The following CUL5 variants were observed in gnomAD, a reference collection of about 807,000 sequenced individuals.
The protein encoded by CUL5 is cullin 5.
Under a neutral mutation model 108.8 loss-of-function variants are expected in CUL5, and 26 were observed. The ratio of observed to expected loss-of-function variants is 0.24; its 90% CI spans 0.18 to 0.33. The LOEUF (loss-of-function observed/expected upper bound fraction) is 0.33, where lower values mean the gene tolerates loss of function less well. Ranked by LOEUF, CUL5 falls within the 10% of genes least tolerant of loss-of-function variation. The pLI is 1.00. For synonymous variants in CUL5, 334 were observed against 298.0 expected (o/e 1.12, Z -1.25); for missense variants, 524 against 909.2 (o/e 0.58, Z 5.45).
intron 1 of CUL5, among the ~76,000 whole-genome samples, chr11:108,026,206 T>C (rs1398040638): frequency 1.3e-5 from 2 of 152,148 alleles, no homozygotes; most frequent in Admixed American, 6.5e-5. Context: ...TGGTTAAATC[T>C]GTCTCTTCAC....
At chr11:108,079,825 T>C (rs972084183) in intron 11 of CUL5, among the ~76,000 whole-genome samples, 23 of 152,216 alleles carry the variant, frequency 1.5e-4, no homozygotes, top group African/African-American at 5.5e-4. Flanking sequence ...TCTAGGACTT[T>C]GTATAAATAG....
chr11:108,009,783 T>G (rs1342990418), intron 1 of CUL5, among the ~76,000 whole-genome samples: 3 of 152,202 alleles, frequency 2.0e-5, no homozygotes, highest in African/African-American at 7.2e-5. Context: ...CAGGTTTCAG[T>G]GACTCGACCC....
chr11:108,085,114 A>G (rs1031962109), intron 11 of CUL5: 1 of 152,266 alleles, frequency 6.6e-6, no homozygotes, highest in African/African-American at 2.4e-5. Flanking sequence ...TCATTCAGAA[A>G]CATGCTCATA....
chr11:108,089,267 G>A (rs995412726), intron 12 of CUL5, among the ~76,000 whole-genome samples: 3 of 152,076 alleles, frequency 2.0e-5, no homozygotes, highest in African/African-American at 7.2e-5. Flanking sequence ...CTAAAAAACT[G>A]ATATTTAGAC....
intron 11 of CUL5, among the ~76,000 whole-genome samples, chr11:108,078,853 C>G (rs1864001700): frequency 6.6e-6 from 1 of 151,890 alleles, no homozygotes; most frequent in Non-Finnish European, 1.5e-5. Context: ...GAAAAATAAT[C>G]AGGTATTTTT....
rs759009868 is a variant in CUL5 at position 108,070,137 on chromosome 11, A to G, written c.822A>G (p.Lys274=). 1.2e-6 allele frequency: 2 copies of G among 1,612,160 alleles called. No individual in the cohort carries two copies. The highest frequency in any genetic ancestry group is 1.7e-5 in the Admixed American group (1 of 59,976). ...CCVNALVTSF[K]ETILAECQGM... The stretch of plus-strand genomic sequence containing the variant: ...TAAATGCCCTGGTGACATCATTTAA[A>G]GAGACTATCTTAGCTGAGTGCCAAG... The change falls in exon 8 of 19, where the codon AAA becomes AAG. Residue 274 remains lysine, a synonymous_variant. Coordinates refer to ENST00000393094, the MANE Select transcript of CUL5 (RefSeq NM_003478.6).
At chr11:108,082,345 A>G (rs550126452) in intron 11 of CUL5, among the ~76,000 whole-genome samples, 61 of 151,062 alleles carry the variant, frequency 4.0e-4, no homozygotes, top group African/African-American at 1.4e-3. Context: ...CAGTGGCGCA[A>G]TCATGGCTCA....
chr11:108,100,368 C>T (rs1305765358), intron 18 of CUL5, among the ~76,000 whole-genome samples: 6 of 151,964 alleles, frequency 3.9e-5, no homozygotes, highest in Non-Finnish European at 8.8e-5. Flanking sequence ...CATGTTGAAG[C>T]CCTGTCTCTA....
At chr11:108,098,572 A>G in intron 18 of CUL5, 43 bp downstream of exon 18, 1 of 1,072,466 alleles carries the variant, frequency 9.3e-7, no homozygotes, top group Non-Finnish European at 1.2e-6. Flanking sequence ...AAAAAACTTT[A>G]GTTTTTTTTT....
chr11:108,039,995 T>C (rs1021506258), intron 2 of CUL5, among the ~76,000 whole-genome samples: 3 of 151,512 alleles, frequency 2.0e-5, no homozygotes, highest in Non-Finnish European at 4.4e-5. Context: ...ACACTATTTC[T>C]TGTTCTCTTC....
At chr11:108,024,907 C>G (rs925084994) in intron 1 of CUL5, among the ~76,000 whole-genome samples, 5 of 152,210 alleles carry the variant, frequency 3.3e-5, no homozygotes, top group Non-Finnish European at 7.3e-5. Flanking sequence ...TTACCTGTTA[C>G]CACCCTGTCT....
At chr11:108,013,292 T>A (rs1862097958) in intron 1 of CUL5, among the ~76,000 whole-genome samples, 1 of 152,240 alleles carries the variant, frequency 6.6e-6, no homozygotes, top group Non-Finnish European at 1.5e-5. Context: ...TATCTTTGTA[T>A]ATTTTTTTCT....
chr11:108,073,914 G>C (rs1863886039), intron 10 of CUL5: 1 of 154,726 alleles, frequency 6.5e-6, no homozygotes, highest in Non-Finnish European at 1.4e-5. Flanking sequence ...GACTCCTTCG[G>C]GAGTTATGTT....
intron 18 of CUL5, among the ~76,000 whole-genome samples, chr11:108,102,250 G>A (rs1445280677): frequency 2.6e-5 from 4 of 151,924 alleles, no homozygotes; most frequent in African/African-American, 4.8e-5. Flanking sequence ...GGCTGATCTC[G>A]AACTCCTGAC....
intron 11 of CUL5, among the ~76,000 whole-genome samples, chr11:108,082,239 C>T (rs1197613798): frequency 6.7e-6 from 1 of 150,298 alleles, no homozygotes; most frequent in Non-Finnish European, 1.5e-5. Flanking sequence ...CTTCCCCTTC[C>T]CCTTCCCTCC....
chr11:108,052,571 A>C lies in CUL5; in HGVS notation c.412-89A>C, dbSNP rs1863259632. 5 of 1,281,242 alleles carry C rather than the reference A, an allele frequency of 3.9e-6. No individual in the cohort carries two copies. The Admixed American group carries it at 8.5e-5, about 22-fold the overall frequency. 79.4% of individuals were successfully genotyped at this position (1,281,242 alleles called of 1,614,324 possible). A position where few individuals can be genotyped will look rare whatever the true frequency, so the allele number is the denominator to read the frequency against. On this transcript the variant is annotated intron_variant, in intron 4 of 18. Transcript: ENST00000393094. ...GCCACTGCACCTGGCCCAGGCCTAC[A>C]AATTTGATTTCCTTTTTTGGTGTTT...
At chr11:108,096,505 AAGAG>A (rs1712657413) in intron 16 of CUL5, among the ~76,000 whole-genome samples, 1 of 151,788 alleles carries the variant, frequency 6.6e-6, no homozygotes, top group Non-Finnish European at 1.5e-5. Context: ...TTTTTTAAAA[AAGAG>A]AAAGATTGAG....
chr11:108,041,375 T>A (rs1862906394), intron 2 of CUL5, among the ~76,000 whole-genome samples: 1 of 151,214 alleles, frequency 6.6e-6, no homozygotes, highest in Admixed American at 6.6e-5. Context: ...CCTCCCAGGC[T>A]CAAGCGATTC....
chr11:108,021,163 T>C (rs1862318160), intron 1 of CUL5, among the ~76,000 whole-genome samples: 1 of 151,982 alleles, frequency 6.6e-6, no homozygotes, highest in South Asian at 2.1e-4. Flanking sequence ...CATGCTGTTA[T>C]TTTCACACAA....
Sources: gnomAD v4.1 joint callset for allele counts (sites outside exome capture counted in the v4.1 genomes callset) on GRCh38, gnomAD v4.1.1 for gene constraint, MANE v1.5 for transcripts, NCBI Gene and HGNC (gene_info 2026-07-23, HGNC 2026-07-21) for gene names.